Variants in GABRG3 observed in about 807,000 individuals in gnomAD.
GABRG3 encodes gamma-aminobutyric acid receptor subunit gamma-3.
Under a neutral mutation model 48.8 loss-of-function variants are expected in GABRG3, and 25 were observed. The ratio of observed to expected loss-of-function variants is 0.51; its 90% CI spans 0.37 to 0.72. The LOEUF is 0.72. Among genes scored for constraint, GABRG3 ranks in the 30% least tolerant of loss-of-function variants. The pLI is 0.00. For synonymous variants in GABRG3, 227 were observed against 217.6 expected (o/e 1.04, Z -0.38); for missense variants, 394 against 577.9 (o/e 0.68, Z 3.26).
At chr15:27,122,047 C>T (rs973482848) in intron 3 of GABRG3, among the ~76,000 whole-genome samples, 4 of 152,096 alleles carry the variant, frequency 2.6e-5, no homozygotes, top group Non-Finnish European at 4.4e-5. Context: ...TATTTGATAG[C>T]ACAAGAGGGT....
intron 3 of GABRG3, among the ~76,000 whole-genome samples, chr15:27,176,955 A>G (rs1887765179): frequency 6.6e-6 from 1 of 152,186 alleles, no homozygotes; most frequent in South Asian, 2.1e-4. Context: ...AGAAAAGCCA[A>G]TACACTGAGA....
rs1892760407 is a variant in GABRG3 at position 27,308,145 on chromosome 15, CATCCAAACATATATAAACATATAT to C, written c.271-18663_271-18640del. On this transcript the variant is annotated intron_variant, in intron 3 of 9. Coordinates refer to ENST00000615808, the MANE Select transcript of GABRG3 (RefSeq NM_033223.5). ...ACATATATAAACATATATGTTTATACATCCAAACATATATAAACATATATGTTTATATATCCAAACATATATAAA... is the reference window on the plus strand; with the variant it reads ...ACATATATAAACATATATGTTTATACGTTTATATATCCAAACATATATAAA... Among the ~76,000 whole-genome samples the C allele has an allele frequency of 9.1e-5, 5 of 55,078 alleles. 1 individual carries two copies. The highest frequency in any genetic ancestry group is 1.5e-4 in the Non-Finnish European group (5 of 34,428). 36.1% of individuals were successfully genotyped at this position (55,078 alleles called of 152,430 possible).
chr15:27,489,255 C>T (rs1210318656), intron 6 of GABRG3, among the ~76,000 whole-genome samples: 4 of 152,194 alleles, frequency 2.6e-5, no homozygotes, highest in Non-Finnish European at 4.4e-5. Flanking sequence ...ATATGTGCCA[C>T]ATTTTCTTTA....
chr15:27,172,116 A>G (rs1333366530), intron 3 of GABRG3, among the ~76,000 whole-genome samples: 1 of 152,216 alleles, frequency 6.6e-6, no homozygotes, highest in Non-Finnish European at 1.5e-5. Flanking sequence ...CATGCCTCTT[A>G]ATACCATTAC....
chr15:27,114,563 T>G (rs1270390995), intron 3 of GABRG3, among the ~76,000 whole-genome samples: 1 of 152,206 alleles, frequency 6.6e-6, no homozygotes, highest in Non-Finnish European at 1.5e-5. Flanking sequence ...TGAAGTGCGC[T>G]TTGCTGTATT....
intron 5 of GABRG3, among the ~76,000 whole-genome samples, chr15:27,386,759 C>T (rs1895935126): frequency 6.6e-6 from 1 of 152,122 alleles, no homozygotes; most frequent in Non-Finnish European, 1.5e-5. Context: ...TTTTCTTGAA[C>T]AAATCCTTTT....
intron 2 of GABRG3, among the ~76,000 whole-genome samples, chr15:26,997,254 T>G (rs529727113): frequency 6.6e-6 from 1 of 152,194 alleles, no homozygotes; most frequent in Non-Finnish European, 1.5e-5. Flanking sequence ...TTAGATATGG[T>G]TTCCTTGAGT....
At chr15:27,336,886 C>T (rs1893995417) in intron 5 of GABRG3, among the ~76,000 whole-genome samples, 1 of 152,160 alleles carries the variant, frequency 6.6e-6, no homozygotes, top group Admixed American at 6.5e-5. Flanking sequence ...GCATTCGAAG[C>T]TGAGTGAAGA....
chr15:27,262,760 T>G (rs1413851777), intron 3 of GABRG3, among the ~76,000 whole-genome samples: 1 of 152,254 alleles, frequency 6.6e-6, no homozygotes, highest in Non-Finnish European at 1.5e-5. Flanking sequence ...CACGTAATTA[T>G]ATGCCTTGTC....
At chr15:27,002,340 G>A (rs918427941) in intron 2 of GABRG3, among the ~76,000 whole-genome samples, 5 of 152,110 alleles carry the variant, frequency 3.3e-5, no homozygotes, top group Non-Finnish European at 7.3e-5. Flanking sequence ...CACTTTCCTG[G>A]CAGCAAGCTA....
At chr15:27,140,213 C>A (rs940294931) in intron 3 of GABRG3, among the ~76,000 whole-genome samples, 2 of 152,254 alleles carry the variant, frequency 1.3e-5, no homozygotes, top group Admixed American at 1.3e-4. Flanking sequence ...TGGCTGAGGG[C>A]CTGGACTTGT....
At position 27,443,577 on chromosome 15, in the gene GABRG3, A is replaced by G. The variant is rs142675955; in HGVS notation, c.575-37073A>G. ...AAGTAACCTTTTATAGATAAATTAA[A>G]TATGTTCTACATACAGGATTATGTT... is the stretch of plus-strand genomic sequence containing the variant. On this transcript the variant is annotated intron_variant, in intron 5 of 9. Coordinates refer to ENST00000615808, the MANE Select transcript of GABRG3 (RefSeq NM_033223.5). 7.5e-4 allele frequency among the ~76,000 whole-genome samples: 114 copies of G among 152,344 alleles called. 3 individuals are homozygous for G. The highest frequency in any genetic ancestry group is 7.5e-3 in the Admixed American group (114 of 15,298).
chr15:27,392,185 T>C (rs1309935814), intron 5 of GABRG3, among the ~76,000 whole-genome samples: 2 of 152,234 alleles, frequency 1.3e-5, no homozygotes, highest in African/African-American at 2.4e-5. Flanking sequence ...TAACCCAGTA[T>C]TGATATATTA....
chr15:27,118,961 A>G (rs1037175774), intron 3 of GABRG3, among the ~76,000 whole-genome samples: 1 of 152,208 alleles, frequency 6.6e-6, no homozygotes, highest in Admixed American at 6.5e-5. Context: ...TGAGGGAACA[A>G]CAGAAGCAGA....
chr15:27,154,796 T>C (rs1336433090), intron 3 of GABRG3, among the ~76,000 whole-genome samples: 2 of 152,222 alleles, frequency 1.3e-5, no homozygotes, highest in African/African-American at 4.8e-5. Context: ...ATACTTTTTT[T>C]TGTCCTTGTC....
intron 5 of GABRG3, among the ~76,000 whole-genome samples, chr15:27,389,203 A>G (rs755621556): frequency 3.9e-5 from 6 of 152,242 alleles, no homozygotes; most frequent in Non-Finnish European, 5.9e-5. Flanking sequence ...TCATTAAAAT[A>G]GAAAATACGA....
intron 6 of GABRG3, chr15:27,483,243 C>T (rs1388760407): frequency 1.3e-5 from 2 of 152,166 alleles, no homozygotes; most frequent in Non-Finnish European, 2.9e-5. Context: ...GAAGGATCTG[C>T]TCCAGGCCTC....
At chr15:27,269,085 A>G (rs903887859) in intron 3 of GABRG3, among the ~76,000 whole-genome samples, 2 of 152,144 alleles carry the variant, frequency 1.3e-5, no homozygotes, top group African/African-American at 4.8e-5. Flanking sequence ...GGCCAGAAGC[A>G]TGAATCACAT....
intron 6 of GABRG3, among the ~76,000 whole-genome samples, chr15:27,499,652 AATT>A (rs1425302181): frequency 2.0e-5 from 3 of 152,240 alleles, no homozygotes; most frequent in African/African-American, 7.2e-5. Context: ...ACAAATCATA[AATT>A]TCACTCACCT....
Sources: allele counts gnomAD v4.1 joint callset (sites outside exome capture counted in the v4.1 genomes callset), GRCh38; gene constraint gnomAD v4.1.1; transcripts MANE v1.5; gene names NCBI Gene and HGNC (gene_info 2026-07-23, HGNC 2026-07-21).